Variants in STK38L observed in about 807,000 individuals in gnomAD.
STK38L encodes the protein serine/threonine-protein kinase 38-like.
In STK38L, 28 loss-of-function variants were observed where a neutral mutation model predicts 59.7. The ratio of observed to expected loss-of-function variants is 0.47; its 90% confidence interval spans 0.35 to 0.64. The LOEUF (loss-of-function observed/expected upper bound fraction) is 0.64, where lower values mean the gene tolerates loss of function less well. STK38L is among the 30% of genes least tolerant of loss of function. The pLI is 0.01. For missense variants in STK38L, 314 were observed against 555.8 expected (o/e 0.56, Z 4.37); for synonymous variants, 162 against 176.8 (o/e 0.92, Z 0.66).
chr12:27,265,704 G>A (rs1317981252), intron 1 of STK38L, among the ~76,000 whole-genome samples: 1 of 152,170 alleles, frequency 6.6e-6, no homozygotes, highest in African/African-American at 2.4e-5. Context: ...GGCTGCATGT[G>A]TGAGTTTGGC....
intron 1 of STK38L, among the ~76,000 whole-genome samples, chr12:27,256,071 G>A (rs1270800667): frequency 6.6e-6 from 1 of 152,044 alleles, no homozygotes; most frequent in Non-Finnish European, 1.5e-5. Flanking sequence ...CATTTTTTAG[G>A]TCTTCCTTAA....
intron 1 of STK38L, among the ~76,000 whole-genome samples, chr12:27,247,674 C>T (rs1861920054): frequency 6.6e-6 from 1 of 152,040 alleles, no homozygotes; most frequent in South Asian, 2.1e-4. Flanking sequence ...TATATTTTGT[C>T]CTGTAATTTA....
At chr12:27,252,851 A>G (rs767265518) in intron 1 of STK38L, among the ~76,000 whole-genome samples, 7 of 152,230 alleles carry the variant, frequency 4.6e-5, no homozygotes, top group Non-Finnish European at 7.3e-5. Context: ...TTCATTATTT[A>G]TCAGCTATTT....
At chr12:27,261,547 A>G (rs1343987288) in intron 1 of STK38L, among the ~76,000 whole-genome samples, 2 of 151,946 alleles carry the variant, frequency 1.3e-5, no homozygotes, top group Admixed American at 1.3e-4. Flanking sequence ...CATTATTTTC[A>G]GTTTTCTTTT....
intron 9 of STK38L, among the ~76,000 whole-genome samples, chr12:27,317,022 G>C (rs933252493): frequency 6.6e-6 from 1 of 152,114 alleles, no homozygotes; most frequent in Non-Finnish European, 1.5e-5. Context: ...AGCTTCTTGT[G>C]GGGGCAGAAA....
rs1358202584 is a variant in STK38L, at chr12:27,322,389, T to C, written c.1329T>C (p.Tyr443=). The C allele has an allele frequency of 5.6e-6, 9 of 1,614,068 alleles. No homozygotes were observed. The highest frequency in any genetic ancestry group is 4.4e-5 in the South Asian group (4 of 91,082). Residue 443 remains tyrosine (Y), a synonymous_variant, in exon 14 of 14, where the codon TAT becomes TAC. Transcript: ENST00000389032. ...ACTGGGTTTTTCTCAATTATACCTA[T>C]AAAAGGTTTGAAGGGTTGACTCAAC... ...SKDWVFLNYT[Y]KRFEGLTQRG...
At position 27,268,945 on chromosome 12, in the gene STK38L, C is replaced by T. The variant is rs375091453; in HGVS notation, c.-12+24613C>T. 3.2e-4 allele frequency among the ~76,000 whole-genome samples: 49 copies of T among 152,232 alleles called. 1 individual carries two copies. The highest frequency in any genetic ancestry group is 1.2e-3 in the East Asian group (6 of 5,186). On this transcript the variant is annotated intron_variant, in intron 1 of 13. Coordinates refer to ENST00000389032, the MANE Select transcript of STK38L (RefSeq NM_015000.4). Reference sequence around the variant, plus strand: ...TTGAGAAGTGTCTGTTCATATCCTTCGCCCACTTTTTGATGGGGTTGTTTG... The same window carrying T: ...TTGAGAAGTGTCTGTTCATATCCTTTGCCCACTTTTTGATGGGGTTGTTTG...
chr12:27,311,177 A>G (rs1944445717), intron 5 of STK38L, among the ~76,000 whole-genome samples: 1 of 152,234 alleles, frequency 6.6e-6, no homozygotes, highest in Non-Finnish European at 1.5e-5. Flanking sequence ...ATGCAACACC[A>G]AAGTTTAGGG....
Position 27,297,672 on chromosome 12 carries a change from T to G in STK38L, c.-11-38T>G, listed in dbSNP as rs563598975. On this transcript the variant is annotated intron_variant, in intron 1 of 13. Coordinates refer to ENST00000389032, the MANE Select transcript of STK38L (RefSeq NM_015000.4). The stretch of plus-strand genomic sequence containing the variant: ...TTTATTATAAAAGATAGGGGTTTTT[T>G]TTCCCACTGAATAATTTGTTTTTCT... 5.7e-6 allele frequency: 9 copies of G among 1,570,168 alleles called. 1 individual carries two copies. The African/African-American group carries it at 1.1e-4, about 19-fold the overall frequency.
At chr12:27,269,558 C>T (rs1201850099) in intron 1 of STK38L, among the ~76,000 whole-genome samples, 2 of 152,066 alleles carry the variant, frequency 1.3e-5, no homozygotes, top group Non-Finnish European at 2.9e-5. Flanking sequence ...GTAGCATGAG[C>T]CCTCCAGCTT....
chr12:27,288,241 G>A (rs1302189026), intron 1 of STK38L, among the ~76,000 whole-genome samples: 1 of 151,980 alleles, frequency 6.6e-6, no homozygotes, highest in Non-Finnish European at 1.5e-5. Flanking sequence ...CTACTTTTGT[G>A]AACAGGATTA....
At chr12:27,264,610 A>G (rs954999113) in intron 1 of STK38L, among the ~76,000 whole-genome samples, 3 of 152,348 alleles carry the variant, frequency 2.0e-5, no homozygotes, top group Admixed American at 2.0e-4. Context: ...ACAATAAAAA[A>G]TGATACAAAT....
chr12:27,322,179 C>T lies in STK38L; in HGVS notation c.1212C>T (p.Ser404=). ...RPAAIPIEIK[S]IDDTSNFDDF... is the part of the protein sequence containing the mutation. ...CAGCAATCCCTATAGAAATCAAAAG[C>T]ATTGATGATACTTCAAATTTTGATG... The change falls in exon 13 of 14, where the codon AGC becomes AGT. Residue 404 remains serine (S), a synonymous_variant. Transcript: ENST00000389032. 6.2e-7 allele frequency: 1 copy of T among 1,613,888 alleles called. No homozygotes were observed. Among genetic ancestry groups the T allele is most frequent in the South Asian group, 1.1e-5 (1 of 91,064 alleles).
At chr12:27,250,623 C>T (rs1299692929) in intron 1 of STK38L, among the ~76,000 whole-genome samples, 1 of 152,022 alleles carries the variant, frequency 6.6e-6, no homozygotes, top group Non-Finnish European at 1.5e-5. Flanking sequence ...TTATCTCTAC[C>T]TACAAATGAG....
intron 1 of STK38L, among the ~76,000 whole-genome samples, chr12:27,253,685 C>G (rs1671219666): frequency 6.6e-6 from 1 of 152,078 alleles, no homozygotes; most frequent in Non-Finnish European, 1.5e-5. Context: ...GAGAAGCTTT[C>G]CAAGGATGTG....
intron 10 of STK38L, 161 bp downstream of exon 10, chr12:27,317,614 T>G (rs2136651662): frequency 1.4e-6 from 1 of 709,084 alleles, no homozygotes; most frequent in South Asian, 2.0e-5. Context: ...ACCAGTGAGC[T>G]CCCCACGGAT....
chr12:27,304,289 A>G (rs35622117), intron 3 of STK38L, among the ~76,000 whole-genome samples: 23,181 of 149,252 alleles, frequency 0.16, 2,024 homozygotes, highest in East Asian at 0.31. Flanking sequence ...AAGAGTTTCT[A>G]TATTTAAAGA....
intron 1 of STK38L, among the ~76,000 whole-genome samples, chr12:27,279,240 C>T (rs889197741): frequency 6.6e-5 from 10 of 152,040 alleles, no homozygotes; most frequent in African/African-American, 2.4e-4. Context: ...GGGATGTAGC[C>T]CCATTGAAAG....
At position 27,297,993 on chromosome 12, in the gene STK38L, G is replaced by A. The variant is rs1051003415; in HGVS notation, c.134+139G>A. The stretch of plus-strand genomic sequence containing the variant: ...TTTTTGAGTTTCCTGTACTGACAGT[G>A]CACATAGACATGTGTTTTATTTTCA... On this transcript the variant is annotated intron_variant, in intron 2 of 13. Transcript: ENST00000389032. 4.9e-6 allele frequency: 5 copies of A among 1,029,756 alleles called. No individual in the cohort carries two copies. The Admixed American group carries it at 9.8e-5, about 20-fold the overall frequency. 63.8% of individuals were successfully genotyped at this position (1,029,756 alleles called of 1,614,324 possible). A position where few individuals can be genotyped will look rare whatever the true frequency, so the allele number is the denominator to read the frequency against.
Sources: allele counts gnomAD v4.1 joint callset (sites outside exome capture counted in the v4.1 genomes callset), GRCh38; gene constraint gnomAD v4.1.1; transcripts MANE v1.5; gene names NCBI Gene and HGNC (gene_info 2026-07-23, HGNC 2026-07-21).